The following KLF7 variants were observed in gnomAD, a reference collection of about 807,000 sequenced individuals.
The protein encoded by KLF7 is KLF transcription factor 7.
Under a neutral mutation model 27.3 loss-of-function variants are expected in KLF7, and 2 were observed. The ratio of observed to expected loss-of-function variants is 0.07; its 90% CI spans 0.03 to 0.23. The LOEUF is 0.23. KLF7 is among the 10% of genes least tolerant of loss of function. The pLI is 1.00. For synonymous variants in KLF7, 165 were observed against 162.4 expected, an observed-to-expected ratio of 1.02 and a Z score of -0.12; for missense variants, 221 against 394.1, an observed-to-expected ratio of 0.56 and a Z score of 3.72.
At chr2:207,167,580 G>A (rs181128095), upstream of KLF7, among the ~76,000 whole-genome samples, 19 of 152,338 alleles carry the variant, frequency 1.2e-4, no homozygotes, top group African/African-American at 3.6e-4. Context: ...TGGGATTGAG[G>A]AAAGCCTGAT....
intron 1 of KLF7, among the ~76,000 whole-genome samples, chr2:207,128,596 G>A (rs1559145078): frequency 6.6e-6 from 1 of 152,136 alleles, no homozygotes; most frequent in South Asian, 2.1e-4. Context: ...GGAGAAACCT[G>A]GAAGAAACCA....
intron 1 of KLF7, chr2:207,133,995 C>T (rs2077710337): frequency 8.4e-7 from 1 of 1,196,730 alleles, no homozygotes; most frequent in African/African-American, 1.5e-5. Flanking sequence ...TATGCACCCC[C>T]ACCCGCTCCT....
rs555349365 is a variant in KLF7, at chr2:207,077,766, G to T, written c.*3447C>A. On this transcript the variant is annotated 3_prime_UTR_variant, in exon 4 of 4. Transcript: ENST00000309446. ...TCTATGACTTACAGTCATGTGGCAG[G>T]AGAAAGAAGTATAATTTGAAATTAC... 2.3e-4 allele frequency: 34 copies of T among 150,920 alleles called. No homozygotes were observed. The highest frequency in any genetic ancestry group is 8.2e-4 in the African/African-American group (34 of 41,262). The allele number at this position is 150,920 out of a possible 1,614,324, so 9.3% of individuals were successfully genotyped here. A position where few individuals can be genotyped will look rare whatever the true frequency, so the allele number is the denominator to read the frequency against.
intron 2 of KLF7, among the ~76,000 whole-genome samples, chr2:207,090,450 A>AT (rs1371669237): frequency 6.6e-6 from 1 of 152,192 alleles, no homozygotes; most frequent in African/African-American, 2.4e-5. Flanking sequence ...GAGCTTATTA[A>AT]TAAATCCATG....
chr2:207,094,102 G>A (rs547541611), intron 2 of KLF7, among the ~76,000 whole-genome samples: 1 of 152,330 alleles, frequency 6.6e-6, no homozygotes, highest in East Asian at 1.9e-4. Context: ...ATTTGAGACA[G>A]CATAAGTGAT....
intron 1 of KLF7, among the ~76,000 whole-genome samples, chr2:207,126,801 G>A (rs960475927): frequency 2.3e-5 from 3 of 131,142 alleles, no homozygotes; most frequent in Non-Finnish European, 4.9e-5. Flanking sequence ...GCGAGACCCT[G>A]TTTCTACCAA....
chr2:207,074,974 T>C lies in KLF7; in HGVS notation c.*6239A>G, dbSNP rs1559097987. 1 of 152,152 alleles carries C rather than the reference T, an allele frequency of 6.6e-6. No homozygotes were observed. The highest frequency in any genetic ancestry group is 2.4e-5 in the African/African-American group (1 of 41,446). The allele number at this position is 152,152 out of a possible 1,614,324, so 9.4% of individuals were successfully genotyped here. ...ACGAAGATAACCTAATACAACCTTT[T>C]GCTTTCCCTTTCTCCAAGAAAGAAA... On this transcript the variant is annotated 3_prime_UTR_variant, in exon 4 of 4. Transcript: ENST00000309446.
Position 207,078,341 on chromosome 2 carries a change from A to G in KLF7, c.*2872T>C, listed in dbSNP as rs1436160487. 6.6e-6 allele frequency: 1 copy of G among 152,200 alleles called. No individual in the cohort carries two copies. The highest frequency in any genetic ancestry group is 1.5e-5 in the Non-Finnish European group (1 of 68,034). 9.4% of individuals were successfully genotyped at this position (152,200 alleles called of 1,614,324 possible). On this transcript the variant is annotated 3_prime_UTR_variant, in exon 4 of 4. Coordinates refer to ENST00000309446, the MANE Select transcript of KLF7 (RefSeq NM_003709.4). ...ATTACAAAGGACCTCACTGATACAAAAGAGAGAGAAATTACTGAACATTTC... is the reference window on the plus strand; with the variant it reads ...ATTACAAAGGACCTCACTGATACAAGAGAGAGAGAAATTACTGAACATTTC...
rs1339428301 is a variant in KLF7, at chr2:207,124,399, G to A, written c.108C>T (p.Cys36=). ...TCTGTAGGTAGCGTTCCAATTCAAG[G>A]CATGTCTGCAAGAGGAAGAAGGAGG... The part of the protein sequence containing the change: ...PSLEETWQQT[C]LELERYLQTE... The change falls in exon 2 of 4, where the codon TGC becomes TGT. Residue 36 remains cysteine, a synonymous_variant. Transcript: ENST00000309446. The A allele has an allele frequency of 6.4e-7, 1 of 1,553,428 alleles. No homozygotes were observed. Among genetic ancestry groups the A allele is most frequent in the South Asian group, 1.2e-5 (1 of 82,136 alleles).
At position 207,158,207 on chromosome 2, in the gene KLF7, G is replaced by A. The variant is rs540822841; in HGVS notation, c.102+7260C>T. On this transcript the variant is annotated intron_variant, in intron 1 of 3. Coordinates refer to ENST00000309446, the MANE Select transcript of KLF7 (RefSeq NM_003709.4). Reference sequence around the variant, plus strand: ...ACCATCATAACTACCAATTCAAGGAGGTAGGGAAGGGCAAAAAGTAACTGG... The same window carrying A: ...ACCATCATAACTACCAATTCAAGGAAGTAGGGAAGGGCAAAAAGTAACTGG... Among the ~76,000 whole-genome samples the A allele has an allele frequency of 4.6e-5, 7 of 152,190 alleles. No homozygotes were observed. In the South Asian group the frequency reaches 1.5e-3, roughly 32 times the overall value.
At position 207,149,080 on chromosome 2, in the gene KLF7, C is replaced by T. The variant is rs367624565; in HGVS notation, c.102+16387G>A. 16 of 1,224,574 alleles carry T rather than the reference C, an allele frequency of 1.3e-5. No individual in the cohort carries two copies. The East Asian group carries it at 4.2e-4, about 32-fold the overall frequency. The allele number at this position is 1,224,574 out of a possible 1,614,324, so 75.9% of individuals were successfully genotyped here. On this transcript the variant is annotated intron_variant, in intron 1 of 3. Transcript: ENST00000309446. ...TGTTCCACCTAAAGGATGCAGTTTC[C>T]ATCAGCTCTTAGGGACTGATAAATC...
chr2:207,140,471 G>C (rs1195690453), intron 1 of KLF7, among the ~76,000 whole-genome samples: 1 of 152,018 alleles, frequency 6.6e-6, no homozygotes, highest in Admixed American at 6.5e-5. Context: ...GTTCAAAACA[G>C]AAAATGCAGT....
At chr2:207,142,759 A>T (rs2077978803) in intron 1 of KLF7, among the ~76,000 whole-genome samples, 1 of 152,198 alleles carries the variant, frequency 6.6e-6, no homozygotes, top group African/African-American at 2.4e-5. Context: ...GTGTGTCTGG[A>T]AAAGGATGAG....
Position 207,075,561 on chromosome 2 carries a change from GC to G in KLF7, c.*5651del, listed in dbSNP as rs2076160826. The G allele has an allele frequency of 1.3e-5, 2 of 151,624 alleles. No individual in the cohort carries two copies. The highest frequency in any genetic ancestry group is 1.3e-4 in the Admixed American group (2 of 15,192). 9.4% of individuals were successfully genotyped at this position (151,624 alleles called of 1,614,324 possible). ...ATCTGGCAAAAAGAAAATGTATAGT[GC>G]AAAAATAAATTTATTCAAGCAACTG... On this transcript the variant is annotated 3_prime_UTR_variant, in exon 4 of 4. Transcript: ENST00000309446.
Position 207,127,889 on chromosome 2 carries a change from A to G in KLF7, c.103-3485T>C, listed in dbSNP as rs527359047. ...GTTTGATGGGAACTGAGGTATTAGT[A>G]TTTCCTCATGGATTTTAATATACAC... On this transcript the variant is annotated intron_variant, in intron 1 of 3. Transcript: ENST00000309446. Among the ~76,000 whole-genome samples the G allele has an allele frequency of 1.6e-4, 24 of 152,298 alleles. No individual in the cohort carries two copies. The East Asian group carries it at 4.4e-3, about 28-fold the overall frequency.
intron 2 of KLF7, among the ~76,000 whole-genome samples, chr2:207,122,848 G>A (rs1007469834): frequency 3.3e-5 from 5 of 151,906 alleles, no homozygotes; most frequent in African/African-American, 1.2e-4. Context: ...AACCATACAG[G>A]TAGCACACTG....
intron 1 of KLF7, among the ~76,000 whole-genome samples, chr2:207,127,772 G>A (rs1429512806): frequency 1.3e-5 from 2 of 152,064 alleles, no homozygotes; most frequent in African/African-American, 2.4e-5. Context: ...GAACCCAGGA[G>A]GTGGAGGTTG....
chr2:207,138,875 T>C (rs538129054), intron 1 of KLF7, among the ~76,000 whole-genome samples: 1 of 152,362 alleles, frequency 6.6e-6, no homozygotes, highest in African/African-American at 2.4e-5. Context: ...ATTTCGATGT[T>C]TGTGTCTGTG....
At chr2:207,134,923 C>G (rs1023112152) in intron 1 of KLF7, among the ~76,000 whole-genome samples, 2 of 152,198 alleles carry the variant, frequency 1.3e-5, no homozygotes, top group East Asian at 3.8e-4. Context: ...CTTGGAAGGG[C>G]TGGGCATGCA....
Sources: allele counts gnomAD v4.1 joint callset (sites outside exome capture counted in the v4.1 genomes callset), GRCh38; gene constraint gnomAD v4.1.1; transcripts MANE v1.5; gene names NCBI Gene and HGNC (gene_info 2026-07-23, HGNC 2026-07-21).